The following ANKS1B variants were observed in gnomAD, a reference collection of about 807,000 sequenced individuals.
ANKS1B encodes the protein ankyrin repeat and sterile alpha motif domain-containing protein 1B.
Under a neutral mutation model 148.3 loss-of-function variants are expected in ANKS1B, and 36 were observed. The observed-to-expected ratio is 0.24, with a 90% CI of 0.19 to 0.32. ANKS1B has a LOEUF of 0.32. Ranked by LOEUF, ANKS1B falls within the 10% of genes least tolerant of loss-of-function variation. The probability of loss-of-function intolerance (pLI) is 1.00; values close to 1 mark genes in which losing one functional copy is unlikely to be tolerated. For synonymous variants in ANKS1B, 542 were observed against 560.8 expected, an observed-to-expected ratio of 0.97 and a Z score of 0.47; for missense variants, 1,157 against 1,542.6, an observed-to-expected ratio of 0.75 and a Z score of 4.19.
intron 1 of ANKS1B, among the ~76,000 whole-genome samples, chr12:99,967,338 G>C (rs892328054): frequency 6.6e-6 from 1 of 152,136 alleles, no homozygotes; most frequent in African/African-American, 2.4e-5. Flanking sequence ...GCCCAAAGAA[G>C]TTAAATCACC....
intron 1 of ANKS1B, among the ~76,000 whole-genome samples, chr12:99,929,631 G>A (rs2094562178): frequency 6.6e-6 from 1 of 152,088 alleles, no homozygotes; most frequent in East Asian, 1.9e-4. Context: ...ATGGTTTTAG[G>A]TCTAACATTT....
At chr12:99,884,396 C>T (rs1213437144) in intron 1 of ANKS1B, among the ~76,000 whole-genome samples, 1 of 152,174 alleles carries the variant, frequency 6.6e-6, no homozygotes, top group Non-Finnish European at 1.5e-5. Flanking sequence ...TAATTCCACT[C>T]TTAGTTATTT....
chr12:99,049,164 C>T (rs1284580063), intron 17 of ANKS1B: 3 of 152,074 alleles, frequency 2.0e-5, no homozygotes, highest in Admixed American at 6.5e-5. Context: ...AAAGCATAAC[C>T]TTTTACTTAA....
intron 16 of ANKS1B, among the ~76,000 whole-genome samples, chr12:99,055,324 A>G (rs1428730871): frequency 6.6e-6 from 1 of 152,212 alleles, no homozygotes; most frequent in Admixed American, 6.5e-5. Context: ...GGTTGAAGTT[A>G]ACTGCTTAGT....
chr12:99,756,470 G>T (rs897595353), intron 8 of ANKS1B, among the ~76,000 whole-genome samples: 2 of 151,994 alleles, frequency 1.3e-5, no homozygotes, highest in African/African-American at 2.4e-5. Flanking sequence ...TAATGGATAG[G>T]AAGAATCAAT....
intron 9 of ANKS1B, among the ~76,000 whole-genome samples, chr12:99,626,167 G>A (rs1814259181): frequency 6.6e-6 from 1 of 152,116 alleles, no homozygotes; most frequent in African/African-American, 2.4e-5. Context: ...AAAACATATA[G>A]TTTTTAGTTT....
intron 12 of ANKS1B, among the ~76,000 whole-genome samples, chr12:99,262,625 G>A (rs2076037405): frequency 1.3e-5 from 2 of 150,992 alleles, no homozygotes; most frequent in Non-Finnish European, 3.0e-5. Flanking sequence ...TGTTTTTTAT[G>A]GACATTATTT....
At chr12:99,965,964 A>G (rs988887128) in intron 1 of ANKS1B, among the ~76,000 whole-genome samples, 1 of 152,126 alleles carries the variant, frequency 6.6e-6, no homozygotes, top group African/African-American at 2.4e-5. Flanking sequence ...GAATGTAATA[A>G]TAAGAAAACA....
At chr12:98,996,476 C>G (rs12302379) in intron 17 of ANKS1B, among the ~76,000 whole-genome samples, 1 of 152,138 alleles carries the variant, frequency 6.6e-6, no homozygotes, top group Non-Finnish European at 1.5e-5. Context: ...CTCCACAGCT[C>G]TTCAGAGAGG....
intron 1 of ANKS1B, among the ~76,000 whole-genome samples, chr12:99,876,447 G>A (rs1243937409): frequency 6.6e-6 from 1 of 152,130 alleles, no homozygotes; most frequent in Non-Finnish European, 1.5e-5. Flanking sequence ...AAGAGGCCAG[G>A]CGCAGTGGCT....
chr12:99,577,860 C>G (rs180856208), intron 9 of ANKS1B, among the ~76,000 whole-genome samples: 14 of 152,192 alleles, frequency 9.2e-5, no homozygotes, highest in African/African-American at 3.4e-4. Context: ...GGAGGGACTC[C>G]TTCCTATCTC....
chr12:99,360,737 G>C (rs2092398756), intron 12 of ANKS1B, among the ~76,000 whole-genome samples: 1 of 152,114 alleles, frequency 6.6e-6, no homozygotes, highest in Non-Finnish European at 1.5e-5. Flanking sequence ...CCCACGCCAA[G>C]CTGAACCTAG....
At chr12:98,839,331 C>T (rs185979573) in intron 17 of ANKS1B, among the ~76,000 whole-genome samples, 102 of 152,184 alleles carry the variant, frequency 6.7e-4, no homozygotes, top group African/African-American at 2.2e-3. Context: ...AATATTAAAA[C>T]CATGTGAACG....
intron 17 of ANKS1B, among the ~76,000 whole-genome samples, chr12:99,022,927 G>A (rs1275024969): frequency 1.3e-5 from 2 of 152,072 alleles, no homozygotes; most frequent in Non-Finnish European, 2.9e-5. Flanking sequence ...AAATTTTACT[G>A]TAAATCTGTA....
At chr12:99,047,875 TA>T (rs928945204) in intron 17 of ANKS1B, among the ~76,000 whole-genome samples, 11 of 152,118 alleles carry the variant, frequency 7.2e-5, no homozygotes, top group Non-Finnish European at 1.6e-4. Context: ...AGGGTCTACA[TA>T]AAGGAATGAA....
At chr12:99,120,955 C>T (rs1340103940) in intron 15 of ANKS1B, among the ~76,000 whole-genome samples, 2 of 152,074 alleles carry the variant, frequency 1.3e-5, no homozygotes, top group Admixed American at 1.3e-4. Flanking sequence ...AAGTACAGGG[C>T]TAGTAAAGCG....
chr12:99,945,899 G>C (rs2095048228), intron 1 of ANKS1B, among the ~76,000 whole-genome samples: 1 of 152,128 alleles, frequency 6.6e-6, no homozygotes. Flanking sequence ...TGTCACTTTG[G>C]GACCAAAGCA....
At chr12:99,366,080 G>T (rs1048808327) in intron 12 of ANKS1B, among the ~76,000 whole-genome samples, 3 of 152,136 alleles carry the variant, frequency 2.0e-5, no homozygotes, top group Non-Finnish European at 4.4e-5. Flanking sequence ...TATTACAGGG[G>T]GCAGCCCCCT....
chr12:99,751,158 C>T (rs376596049), intron 8 of ANKS1B, among the ~76,000 whole-genome samples: 2 of 151,972 alleles, frequency 1.3e-5, no homozygotes, highest in East Asian at 1.9e-4. Context: ...TCTAAACTTT[C>T]TTTAACATTT....
Sources: gnomAD v4.1 joint callset for allele counts (sites outside exome capture counted in the v4.1 genomes callset) on GRCh38, gnomAD v4.1.1 for gene constraint, MANE v1.5 for transcripts, NCBI Gene and HGNC (gene_info 2026-07-23, HGNC 2026-07-21) for gene names.